TLCD3A: variants seen among roughly 807,000 people sequenced by gnomAD.
TLCD3A encodes TLC domain containing 3A, also known as TLC domain-containing protein 3A.
TLCD3A carries 17 observed loss-of-function variants against 29.9 expected under a neutral mutation model. That is an observed-to-expected ratio of 0.57 (90% CI 0.39 to 0.85). TLCD3A has a LOEUF of 0.85. Among genes scored for constraint, TLCD3A ranks in the 40% least tolerant of loss-of-function variants. The pLI, the probability that TLCD3A is intolerant of heterozygous loss-of-function variation, is 0.00. For synonymous variants in TLCD3A, 143 were observed against 147.7 expected, an observed-to-expected ratio of 0.97 and a Z score of 0.23; for missense variants, 332 against 350.8, an observed-to-expected ratio of 0.95 and a Z score of 0.43.
intron 2 of TLCD3A, among the ~76,000 whole-genome samples, chr17:736,573 G>A (rs974611672): frequency 1.3e-5 from 2 of 152,162 alleles, no homozygotes; most frequent in African/African-American, 4.8e-5. Context: ...ACTGTCTTTT[G>A]ACCTAGCCTC....
At chr17:737,759 T>C in intron 2 of TLCD3A, 87 bp from the exon 3 acceptor site, 1 of 1,181,482 alleles carries the variant, frequency 8.5e-7, no homozygotes, top group Non-Finnish European at 1.3e-6. Context: ...GGAATAATAA[T>C]AGCTGATCAA....
chr17:738,081 G>T lies in TLCD3A; in HGVS notation c.408+34G>T, dbSNP rs760294869. 139 of 1,274,640 alleles carry T rather than the reference G, an allele frequency of 1.1e-4. 1 individual carries two copies. Among genetic ancestry groups the T allele is most frequent in the Non-Finnish European group, 2.2e-6 (2 of 899,556 alleles). The allele number at this position is 1,274,640 out of a possible 1,614,324, so 79.0% of individuals were successfully genotyped here. ...TTCCAGGACAGCAGACCAGCAGCTG[G>T]GTTGAGCTGGGTGTCTTTTTTTTTT... is the stretch of plus-strand genomic sequence containing the variant. On this transcript the variant is annotated intron_variant, in intron 3 of 4. Coordinates refer to ENST00000308278, the MANE Select transcript of TLCD3A (RefSeq NM_024792.3).
At position 741,321 on chromosome 17, in the gene TLCD3A, T is replaced by G. The variant is rs1327998966; in HGVS notation, c.525T>G (p.Leu175=). The G allele has an allele frequency of 6.2e-7, 1 of 1,614,150 alleles. No homozygotes were observed. Among genetic ancestry groups the G allele is most frequent in the Admixed American group, 1.7e-5 (1 of 60,014 alleles). Residue 175 remains leucine (L), a synonymous_variant, in exon 5 of 5, where the codon CTT becomes CTG. Coordinates refer to ENST00000308278, the MANE Select transcript of TLCD3A (RefSeq NM_024792.3). ...TGCAGCTAAAGCAGCAGCACACCCTTCTGTACAAGGTGAATGGAATCCTCA... is the reference window on the plus strand; with the variant it reads ...TGCAGCTAAAGCAGCAGCACACCCTGCTGTACAAGGTGAATGGAATCCTCA... ...VLIQLKQQHT[L]LYKVNGILTL...
At chr17:738,568 C>T (rs754217253) in intron 3 of TLCD3A, among the ~76,000 whole-genome samples, 3 of 152,196 alleles carry the variant, frequency 2.0e-5, no homozygotes, top group Non-Finnish European at 4.4e-5. Flanking sequence ...CCAACATCAA[C>T]ATCAACATAC....
chr17:737,159 G>C (rs970059790), intron 2 of TLCD3A, among the ~76,000 whole-genome samples: 1 of 152,086 alleles, frequency 6.6e-6, no homozygotes, highest in Admixed American at 6.6e-5. Context: ...CTACAGGTGT[G>C]CGCCACCACA....
chr17:733,928 G>A lies in TLCD3A; in HGVS notation c.206+747G>A, dbSNP rs537848236. Among the ~76,000 whole-genome samples the A allele has an allele frequency of 6.4e-4, 98 of 152,272 alleles. No individual in the cohort carries two copies. In the South Asian group the frequency reaches 0.019, roughly 30 times the overall value. On this transcript the variant is annotated intron_variant, in intron 2 of 4. Transcript: ENST00000308278. ...CCTTTCCAGGCCCTGCTCTCCTGTG[G>A]GCTCTGCCAAGTCCTGCTTCTCACC...
chr17:732,675 C>G lies in TLCD3A; in HGVS notation c.28C>G (p.Leu10Val). ...GCTGCTGACGCTGGCCGGGGGCGCG[C>G]TCTTCTTCCCGGGGCTCTTCGCGCT... Reference protein sequence around the residue: MLLTLAGGALFFPGLFALCT... With the variant: MLLTLAGGAVFFPGLFALCT... Residue 10 changes from leucine (L) to valine (V), a missense_variant, in exon 1 of 5, where the codon CTC becomes GTC. Coordinates refer to ENST00000308278, the MANE Select transcript of TLCD3A (RefSeq NM_024792.3). The G allele has an allele frequency of 7.1e-7, 1 of 1,404,510 alleles. No individual in the cohort carries two copies. Among genetic ancestry groups the G allele is most frequent in the Non-Finnish European group, 9.3e-7 (1 of 1,076,092 alleles). 87.0% of individuals were successfully genotyped at this position (1,404,510 alleles called of 1,614,324 possible).
chr17:733,881 GGAT>G (rs1193274582), intron 2 of TLCD3A, among the ~76,000 whole-genome samples: 2 of 152,164 alleles, frequency 1.3e-5, no homozygotes, highest in East Asian at 3.9e-4. Context: ...GACCACAGTC[GGAT>G]GTGCAGGAAG....
At chr17:735,311 C>T (rs1467868882) in intron 2 of TLCD3A, among the ~76,000 whole-genome samples, 5 of 152,182 alleles carry the variant, frequency 3.3e-5, no homozygotes, top group African/African-American at 4.8e-5. Context: ...CGTGCCCGGC[C>T]GACTTTCCCA....
chr17:735,687 G>A (rs1226301390), intron 2 of TLCD3A, among the ~76,000 whole-genome samples: 3 of 152,006 alleles, frequency 2.0e-5, no homozygotes, highest in Admixed American at 6.6e-5. Flanking sequence ...TAGCTAGGTC[G>A]GGTGCGGTGG....
chr17:734,346 G>A (rs188477112), intron 2 of TLCD3A, among the ~76,000 whole-genome samples: 52 of 148,044 alleles, frequency 3.5e-4, no homozygotes, highest in Admixed American at 2.3e-3. Context: ...TTTTCCTGTC[G>A]AGACCTCAGG....
At chr17:735,986 C>CA (rs55943725) in intron 2 of TLCD3A, among the ~76,000 whole-genome samples, 291 of 107,228 alleles carry the variant, frequency 2.7e-3, no homozygotes, top group Middle Eastern at 9.8e-3. Context: ...AAACCAAAAC[C>CA]AAAAAAAAAA....
chr17:738,120 C>CA (rs1974192907), intron 3 of TLCD3A, 73 bp downstream of exon 3: 1 of 392,600 alleles, frequency 2.5e-6, no homozygotes, highest in African/African-American at 1.0e-4. Flanking sequence ...TTTTCTGAGA[C>CA]AGTCTCACTC....
chr17:740,673 G>C, intron 4 of TLCD3A, 73 bp downstream of exon 4: 2 of 1,460,696 alleles, frequency 1.4e-6, no homozygotes, highest in Admixed American at 3.6e-5. Context: ...GACAGAGAGA[G>C]TGAGGGTTCT....
chr17:741,169 G>A, intron 4 of TLCD3A, 132 bp from the exon 5 acceptor site: 1 of 850,064 alleles, frequency 1.2e-6, no homozygotes, highest in South Asian at 1.7e-5. Flanking sequence ...TGGGCGCCAG[G>A]GAATCTGACA....
At chr17:737,559 A>T (rs984423013) in intron 2 of TLCD3A, among the ~76,000 whole-genome samples, 7 of 152,124 alleles carry the variant, frequency 4.6e-5, no homozygotes, top group Non-Finnish European at 1.0e-4. Flanking sequence ...GTTTTATCAC[A>T]AAATGCCAGA....
Position 732,736 on chromosome 17 carries a change from G to T in TLCD3A, c.89G>T (p.Trp30Leu), listed in dbSNP as rs1481650114. The change falls in exon 1 of 5, where the codon TGG becomes TTG. Residue 30 changes from tryptophan to leucine, a missense_variant. By Grantham distance (61) the Trp-to-Leu change is moderately conservative (BLOSUM62 -2). Coordinates refer to ENST00000308278, the MANE Select transcript of TLCD3A (RefSeq NM_024792.3). ...TWALRRSQPG[W>L]SRTDCVMIST... The stretch of plus-strand genomic sequence containing the variant: ...GCGCTGCGCCGCTCCCAGCCCGGAT[G>T]GAGCCGCACCGACTGCGTGATGATC... The T allele has an allele frequency of 6.9e-7, 1 of 1,446,346 alleles. No individual in the cohort carries two copies. Among genetic ancestry groups the T allele is most frequent in the Non-Finnish European group, 9.1e-7 (1 of 1,101,056 alleles). The allele number at this position is 1,446,346 out of a possible 1,614,324, so 89.6% of individuals were successfully genotyped here.
chr17:732,895 G>A (rs1974093227), intron 1 of TLCD3A, 126 bp downstream of exon 1: 3 of 1,371,152 alleles, frequency 2.2e-6, no homozygotes, highest in East Asian at 3.1e-5. Context: ...TCCGCGTCCC[G>A]GCGGCCCGAG....
At chr17:739,700 G>A (rs1974218509) in intron 3 of TLCD3A, among the ~76,000 whole-genome samples, 1 of 152,212 alleles carries the variant, frequency 6.6e-6, no homozygotes, top group Admixed American at 6.5e-5. Context: ...TTATGCTGTA[G>A]ATGAAGAAAC....
Sources: gnomAD v4.1 joint callset for allele counts (sites outside exome capture counted in the v4.1 genomes callset) on GRCh38, gnomAD v4.1.1 for gene constraint, MANE v1.5 for transcripts, NCBI Gene and HGNC (gene_info 2026-07-23, HGNC 2026-07-21) for gene names.